DPP10: variants seen among roughly 807,000 people sequenced by gnomAD.
DPP10 encodes dipeptidyl peptidase like 10.
Under a neutral mutation model 120.9 loss-of-function variants are expected in DPP10, and 33 were observed. The ratio of observed to expected loss-of-function variants is 0.27; its 90% CI spans 0.21 to 0.37. DPP10 has a LOEUF of 0.37. Ranked by LOEUF, DPP10 falls within the 10% of genes least tolerant of loss-of-function variation. The pLI, the probability that DPP10 is intolerant of heterozygous loss-of-function variation, is 1.00. For missense variants in DPP10, 816 were observed against 942.8 expected (o/e 0.87, Z 1.76); for synonymous variants, 337 against 326.1 (o/e 1.03, Z -0.36).
chr2:114,912,275 C>T (rs574256527), intron 1 of DPP10, among the ~76,000 whole-genome samples: 12 of 152,186 alleles, frequency 7.9e-5, no homozygotes, highest in Non-Finnish European at 1.5e-4. Flanking sequence ...ACAACTTTCC[C>T]TCTACTATAT....
chr2:115,383,443 A>G (rs994734428), intron 3 of DPP10, among the ~76,000 whole-genome samples: 52 of 152,286 alleles, frequency 3.4e-4, no homozygotes, highest in African/African-American at 1.2e-3. Context: ...ACTTTTGTAA[A>G]TTGCCCAGTC....
chr2:115,588,517 T>A (rs1057511093), intron 5 of DPP10, among the ~76,000 whole-genome samples: 5 of 152,138 alleles, frequency 3.3e-5, no homozygotes, highest in Admixed American at 3.3e-4. Context: ...CAGACATTGA[T>A]CTTCCAAAGC....
At chr2:115,419,930 C>G (rs1259144394) in intron 3 of DPP10, among the ~76,000 whole-genome samples, 1 of 152,120 alleles carries the variant, frequency 6.6e-6, no homozygotes, top group East Asian at 1.9e-4. Flanking sequence ...TCTTGTGGTT[C>G]TGGAACTTTC....
Position 115,381,247 on chromosome 2 carries a change from C to T in DPP10, c.271+37335C>T, listed in dbSNP as rs373357073. ...TCCCATATTTCTTGGAGGCTTTGCTCGTATCTTTTTATTCTTTTTTCTCTA... is the reference window on the plus strand; with the variant it reads ...TCCCATATTTCTTGGAGGCTTTGCTTGTATCTTTTTATTCTTTTTTCTCTA... On this transcript the variant is annotated intron_variant, in intron 3 of 25. Transcript: ENST00000410059. 1.1e-4 allele frequency among the ~76,000 whole-genome samples: 17 copies of T among 152,230 alleles called. 1 individual carries two copies. In the South Asian group the frequency reaches 1.2e-3, roughly 11 times the overall value.
intron 3 of DPP10, among the ~76,000 whole-genome samples, chr2:115,446,653 A>G (rs2072620641): frequency 6.6e-6 from 1 of 151,976 alleles, no homozygotes; most frequent in African/African-American, 2.4e-5. Flanking sequence ...TTTTGTGTCT[A>G]TTTCCATATA....
chr2:114,918,477 A>C (rs1036242483), intron 1 of DPP10, among the ~76,000 whole-genome samples: 7 of 152,196 alleles, frequency 4.6e-5, no homozygotes, highest in African/African-American at 1.7e-4. Flanking sequence ...ATGGTTCTGC[A>C]TTAAAGACAT....
intron 1 of DPP10, among the ~76,000 whole-genome samples, chr2:115,162,795 A>G (rs1241457579): frequency 1.3e-5 from 2 of 152,032 alleles, no homozygotes; most frequent in Non-Finnish European, 2.9e-5. Flanking sequence ...AGAAATCTGT[A>G]GCATAACCGT....
chr2:115,759,631 T>C (rs10186435), intron 11 of DPP10, among the ~76,000 whole-genome samples: 19,843 of 152,014 alleles, frequency 0.13, 1,631 homozygotes, highest in African/African-American at 0.22. Context: ...GTTAAACATA[T>C]GTAAACACAA....
intron 1 of DPP10, among the ~76,000 whole-genome samples, chr2:114,936,130 C>G (rs1696448019): frequency 6.6e-6 from 1 of 152,022 alleles, no homozygotes; most frequent in South Asian, 2.1e-4. Context: ...AGTCTTTTAT[C>G]CCTCACCTGC....
intron 1 of DPP10, among the ~76,000 whole-genome samples, chr2:114,558,608 C>G (rs1688510651): frequency 6.6e-6 from 1 of 152,218 alleles, no homozygotes; most frequent in South Asian, 2.1e-4. Flanking sequence ...TCCTCTAAAG[C>G]AGAAATTTTC....
At chr2:115,531,376 T>C (rs2148919148) in intron 5 of DPP10, among the ~76,000 whole-genome samples, 1 of 152,164 alleles carries the variant, frequency 6.6e-6, no homozygotes, top group East Asian at 1.9e-4. Context: ...GCAAGAGCGC[T>C]ACCTAAGAAG....
chr2:114,707,287 C>A (rs1023987689), intron 1 of DPP10: 1 of 151,494 alleles, frequency 6.6e-6, no homozygotes, highest in South Asian at 2.1e-4. Flanking sequence ...GACACTTCTA[C>A]ACTTAAGTGG....
At chr2:115,827,402 G>A (rs1277754862) in intron 21 of DPP10, among the ~76,000 whole-genome samples, 10 of 59,136 alleles carry the variant, frequency 1.7e-4, no homozygotes, top group Non-Finnish European at 4.0e-4. Context: ...GTGTGTGTGT[G>A]TATGTGTGTG....
chr2:115,119,375 G>A (rs2049705095), intron 1 of DPP10, among the ~76,000 whole-genome samples: 1 of 152,172 alleles, frequency 6.6e-6, no homozygotes, highest in Non-Finnish European at 1.5e-5. Context: ...TGGGAGACTG[G>A]TGTTGGCTGT....
At chr2:115,385,868 A>G (rs1219628472) in intron 3 of DPP10, among the ~76,000 whole-genome samples, 1 of 152,196 alleles carries the variant, frequency 6.6e-6, no homozygotes, top group African/African-American at 2.4e-5. Context: ...AAGGTATCAC[A>G]TCTTTCCACT....
intron 1 of DPP10, among the ~76,000 whole-genome samples, chr2:114,590,389 A>G (rs187222410): frequency 5.9e-5 from 9 of 152,352 alleles, no homozygotes; most frequent in Middle Eastern, 3.4e-3. Context: ...TCATTCATCA[A>G]TGACATGAGC....
intron 2 of DPP10, among the ~76,000 whole-genome samples, chr2:115,316,401 T>A (rs2061795713): frequency 6.6e-6 from 1 of 152,200 alleles, no homozygotes; most frequent in Non-Finnish European, 1.5e-5. Flanking sequence ...ATTTCCCCTT[T>A]ATTCTTTCCT....
At chr2:115,760,025 AAAAC>A (rs995682087) in intron 11 of DPP10, among the ~76,000 whole-genome samples, 2 of 152,092 alleles carry the variant, frequency 1.3e-5, no homozygotes, top group Admixed American at 6.6e-5. Flanking sequence ...AAAAATACAA[AAAAC>A]AAACAAAAAA....
At chr2:115,060,145 A>G (rs1055211734) in intron 1 of DPP10, among the ~76,000 whole-genome samples, 4 of 151,294 alleles carry the variant, frequency 2.6e-5, no homozygotes, top group Non-Finnish European at 4.4e-5. Context: ...CACTTAGTTA[A>G]CACACCATAT....
Sources: allele counts gnomAD v4.1 joint callset (sites outside exome capture counted in the v4.1 genomes callset), GRCh38; gene constraint gnomAD v4.1.1; transcripts MANE v1.5; gene names NCBI Gene and HGNC (gene_info 2026-07-23, HGNC 2026-07-21).